The following RRN3 variants were observed in gnomAD, a reference collection of about 807,000 sequenced individuals.
RRN3 encodes RNA polymerase I-specific transcription initiation factor RRN3.
RRN3 carries 38 observed loss-of-function variants against 82.3 expected under a neutral mutation model. That is an observed-to-expected ratio of 0.46 (90% CI 0.36 to 0.61). RRN3 has a LOEUF of 0.61. Ranked by LOEUF, RRN3 falls within the 20% of genes least tolerant of loss-of-function variation. The pLI is 0.00. For missense variants in RRN3, 726 were observed against 793.1 expected (o/e 0.92, Z 1.02); for synonymous variants, 284 against 284.3 (o/e 1.00, Z 0.01).
rs1409113088 is a variant in RRN3 at position 15,063,264 on chromosome 16, G to T, written c.1726C>A (p.Pro576Thr). 1 of 1,612,828 alleles carries T rather than the reference G, an allele frequency of 6.2e-7. No individual in the cohort carries two copies. Among genetic ancestry groups the T allele is most frequent in the South Asian group, 1.1e-5 (1 of 91,036 alleles). Residue 576 changes from proline to threonine, a missense_variant, in exon 17 of 18, where the codon CCT becomes ACT. Physicochemically the swap from Pro to Thr is conservative, Grantham distance 38 (BLOSUM62 -1). This residue lies in a region of RRN3 where 166 missense variants were observed against 154.8 expected (regional missense o/e 1.07). Coordinates refer to ENST00000198767, the MANE Select transcript of RRN3 (RefSeq NM_018427.5). ...VLKRSKKFID[P>T]IYQVWEDMSA... Reference sequence around the variant, plus strand: ...ATGTCTTCCCACACCTGATAAATAGGATCAATGAATTTCTTTGACCTGTCA... The same window carrying T: ...ATGTCTTCCCACACCTGATAAATAGTATCAATGAATTTCTTTGACCTGTCA...
rs754804216 is a variant in RRN3, at chr16:15,085,729, T to C, written c.473-31A>G. On this transcript the variant is annotated intron_variant, in intron 5 of 17. Coordinates refer to ENST00000198767, the MANE Select transcript of RRN3 (RefSeq NM_018427.5). ...GAGGGAAAAAGAAAATATGTTATTCTGTCATTGATCTAGACAATGAATGGC... is the reference window on the plus strand; with the variant it reads ...GAGGGAAAAAGAAAATATGTTATTCCGTCATTGATCTAGACAATGAATGGC... The C allele has an allele frequency of 3.1e-6, 5 of 1,612,012 alleles. No homozygotes were observed. In the Admixed American group the frequency reaches 6.7e-5, roughly 22 times the overall value.
intron 15 of RRN3, among the ~76,000 whole-genome samples, 175 bp from the exon 16 acceptor site, chr16:15,065,546 G>C (rs539804635): frequency 3.9e-5 from 6 of 152,252 alleles, no homozygotes; most frequent in African/African-American, 1.4e-4. Flanking sequence ...ACCGTTCTAT[G>C]GGTCTTCTAT....
intron 15 of RRN3, among the ~76,000 whole-genome samples, chr16:15,067,952 G>A (rs188552138): frequency 1.3e-5 from 2 of 151,718 alleles, no homozygotes; most frequent in African/African-American, 2.4e-5. Context: ...TAGAGATAGG[G>A]TCTCACTATG....
intron 11 of RRN3, among the ~76,000 whole-genome samples, chr16:15,074,493 C>G (rs1046918526): frequency 6.6e-6 from 1 of 152,166 alleles, no homozygotes; most frequent in Non-Finnish European, 1.5e-5. Flanking sequence ...TCTTTCAATA[C>G]AACAATCAGT....
chr16:15,071,270 T>A lies in RRN3; in HGVS notation c.1129-19A>T, dbSNP rs777264387. The A allele has an allele frequency of 1.3e-6, 2 of 1,584,470 alleles. No individual in the cohort carries two copies. The highest frequency in any genetic ancestry group is 2.3e-5 in the South Asian group (2 of 86,358). ...CGAATCCCTATAAAAAGAGAGGGCG[T>A]CGGTGTGATCTTTTTTAATGCCTAA... is the stretch of plus-strand genomic sequence containing the variant. On this transcript the variant is annotated intron_variant, in intron 12 of 17. Transcript: ENST00000198767.
chr16:15,088,247 G>C (rs2045986171), intron 3 of RRN3, among the ~76,000 whole-genome samples: 1 of 152,204 alleles, frequency 6.6e-6, no homozygotes, highest in Non-Finnish European at 1.5e-5. Context: ...GCCAAGGCAG[G>C]AGGAGACTGC....
chr16:15,063,178 A>C lies in RRN3; in HGVS notation c.1794+18T>G. ...GAAAGGAGATTCCGAGAGTGTGCTC[A>C]ATCAATCACAAACTGACCTTTTTCA... On this transcript the variant is annotated intron_variant, in intron 17 of 17. Transcript: ENST00000198767. The C allele has an allele frequency of 6.6e-7, 1 of 1,514,808 alleles. No individual in the cohort carries two copies. The highest frequency in any genetic ancestry group is 9.2e-7 in the Non-Finnish European group (1 of 1,089,318). The allele number at this position is 1,514,808 out of a possible 1,614,324, so 93.8% of individuals were successfully genotyped here. A position where few individuals can be genotyped will look rare whatever the true frequency, so the allele number is the denominator to read the frequency against.
chr16:15,076,731 T>C, intron 9 of RRN3, 81 bp from the exon 10 acceptor site: 2 of 957,222 alleles, frequency 2.1e-6, no homozygotes, highest in South Asian at 1.4e-5. Flanking sequence ...ATTCATCTGA[T>C]ATACGCATGT....
At chr16:15,075,726 G>C (rs1463941428) in intron 10 of RRN3, among the ~76,000 whole-genome samples, 2 of 152,190 alleles carry the variant, frequency 1.3e-5, no homozygotes, top group Non-Finnish European at 2.9e-5. Context: ...AAGACCCAAT[G>C]AGACCTATCC....
intron 17 of RRN3, 103 bp from the exon 18 acceptor site, chr16:15,062,008 A>C: frequency 8.7e-7 from 1 of 1,150,346 alleles, no homozygotes; most frequent in Non-Finnish European, 1.2e-6. Flanking sequence ...AAGATGGTGA[A>C]GAAAATATCT....
chr16:15,089,701 G>C (rs969252164), intron 3 of RRN3, among the ~76,000 whole-genome samples: 2 of 147,792 alleles, frequency 1.4e-5, no homozygotes, highest in Admixed American at 1.4e-4. Flanking sequence ...TTGGGAGGCT[G>C]AGGCAGGAGA....
chr16:15,061,977 AG>A, intron 17 of RRN3, 72 bp from the exon 18 acceptor site: 1 of 1,438,504 alleles, frequency 7.0e-7, no homozygotes, highest in Non-Finnish European at 9.6e-7. Context: ...TTCCTTCCTC[AG>A]GAAGGTGTTA....
chr16:15,082,299 T>C (rs1279092170), intron 8 of RRN3, among the ~76,000 whole-genome samples: 3 of 152,232 alleles, frequency 2.0e-5, no homozygotes, highest in Non-Finnish European at 4.4e-5. Flanking sequence ...CACACACTTC[T>C]GCATCTACTG....
chr16:15,080,064 A>G lies in RRN3; in HGVS notation c.699T>C (p.Ser233=). The stretch of plus-strand genomic sequence containing the variant: ...CATGCCTCAAGGTTGGAAAATATAC[A>G]CTAATCCTTAGTAAGTTATGAACGT... ...ECYVHNLLRI[S]VYFPTLRHEI... The change falls in exon 9 of 18, where the codon AGT becomes AGC. Residue 233 remains serine (S), a synonymous_variant. Transcript: ENST00000198767. 2 of 1,602,092 alleles carry G rather than the reference A, an allele frequency of 1.2e-6. No homozygotes were observed. The highest frequency in any genetic ancestry group is 2.3e-5 in the South Asian group (2 of 88,696).
intron 14 of RRN3, among the ~76,000 whole-genome samples, chr16:15,069,252 A>G (rs1225069769): frequency 6.6e-6 from 1 of 152,092 alleles, no homozygotes; most frequent in South Asian, 2.1e-4. Flanking sequence ...GTTGGCAGCT[A>G]GTAGGTGGAG....
intron 11 of RRN3, 42 bp downstream of exon 11, chr16:15,074,681 T>C: frequency 6.6e-7 from 1 of 1,520,638 alleles, no homozygotes; most frequent in Non-Finnish European, 9.0e-7. Context: ...CAAAGCCAGG[T>C]ACACTGCAGG....
intron 16 of RRN3, among the ~76,000 whole-genome samples, chr16:15,063,704 C>CAAAAAA (rs10664930): frequency 5.6e-5 from 5 of 89,092 alleles, no homozygotes; most frequent in East Asian, 3.4e-4. Context: ...GACTCTGTCT[C>CAAAAAA]AAAAAAAAAA....
intron 3 of RRN3, among the ~76,000 whole-genome samples, chr16:15,087,600 A>T (rs531355254): frequency 6.6e-6 from 1 of 152,280 alleles, no homozygotes; most frequent in South Asian, 2.1e-4. Context: ...AATCCCAAGT[A>T]GCCTGGCAGT....
chr16:15,094,100 G>C lies in RRN3; in HGVS notation c.89+45C>G, dbSNP rs775077542. ...AATCCGCTCCTCTAAGCGCCGTCCT[G>C]AGCTTTCGTCCCAGATACGCAGAAG... On this transcript the variant is annotated intron_variant, in intron 1 of 17. Coordinates refer to ENST00000198767, the MANE Select transcript of RRN3 (RefSeq NM_018427.5). 2.0e-6 allele frequency: 3 copies of C among 1,525,200 alleles called. No individual in the cohort carries two copies. The East Asian group carries it at 7.1e-5, about 36-fold the overall frequency. The allele number at this position is 1,525,200 out of a possible 1,614,324, so 94.5% of individuals were successfully genotyped here.
Sources: allele counts gnomAD v4.1 joint callset (sites outside exome capture counted in the v4.1 genomes callset), GRCh38; gene constraint gnomAD v4.1.1; regional missense constraint gnomAD v4.1.1; transcripts MANE v1.5; gene names NCBI Gene and HGNC (gene_info 2026-07-23, HGNC 2026-07-21).